CAND1: variants seen among roughly 807,000 people sequenced by gnomAD.
CAND1 encodes cullin associated and neddylation dissociated 1.
CAND1 carries 7 observed loss-of-function variants against 108.5 expected under a neutral mutation model. The ratio of observed to expected loss-of-function variants is 0.06; its 90% CI spans 0.04 to 0.12. The LOEUF (loss-of-function observed/expected upper bound fraction) is 0.12, where lower values mean the gene tolerates loss of function less well. Ranked by LOEUF, CAND1 falls within the 10% of genes least tolerant of loss-of-function variation. The probability of loss-of-function intolerance (pLI) is 1.00; values close to 1 mark genes in which losing one functional copy is unlikely to be tolerated. For missense variants in CAND1, 941 were observed against 1,448.7 expected (o/e 0.65, Z 5.69); for synonymous variants, 534 against 512.0 (o/e 1.04, Z -0.58).
chr12:67,299,197 A>G, intron 7 of CAND1, 102 bp downstream of exon 7: 1 of 1,146,456 alleles, frequency 8.7e-7, no homozygotes, highest in Non-Finnish European at 1.2e-6. Flanking sequence ...TTTAGTTATA[A>G]TAGTGAAAAG....
chr12:67,278,380 C>A (rs1201406060), intron 1 of CAND1, among the ~76,000 whole-genome samples: 1 of 152,120 alleles, frequency 6.6e-6, no homozygotes, highest in Non-Finnish European at 1.5e-5. Context: ...TGGTTTGGAA[C>A]TCCTGACCTC....
chr12:67,304,473 T>C (rs1488460294), intron 8 of CAND1, 132 bp from the exon 9 acceptor site: 2 of 853,500 alleles, frequency 2.3e-6, no homozygotes, highest in East Asian at 2.5e-5. Context: ...GCAATAGCAA[T>C]AGATAGCTGA....
At chr12:67,276,653 G>A (rs1440383438) in intron 1 of CAND1, among the ~76,000 whole-genome samples, 1 of 152,182 alleles carries the variant, frequency 6.6e-6, no homozygotes, top group Non-Finnish European at 1.5e-5. Flanking sequence ...GGAATGTTTG[G>A]TATTTTGTAT....
At position 67,304,612 on chromosome 12, in the gene CAND1, A is replaced by T. The variant is rs751246576; in HGVS notation, c.1301A>T (p.Asn434Ile). 3 of 1,613,472 alleles carry T rather than the reference A, an allele frequency of 1.9e-6. No homozygotes were observed. The highest frequency in any genetic ancestry group is 2.5e-6 in the Non-Finnish European group (3 of 1,179,818). The change falls in exon 9 of 15, where the codon AAC (asparagine) becomes ATC (isoleucine). Residue 434 changes from asparagine (N) to isoleucine (I), a missense_variant. This residue lies in a region of CAND1 where 697 missense variants were observed against 942.0 expected (regional missense o/e 0.74). Transcript: ENST00000545606. ...ACTATATGATAATTGCAGGTTCCCA[A>T]CATTGTTAAAGCTCTTCACAAACAG... is the stretch of plus-strand genomic sequence containing the variant. ...PLTMLQSQVP[N>I]IVKALHKQMK...
intron 2 of CAND1, 90 bp from the exon 3 acceptor site, chr12:67,292,532 T>C: frequency 2.4e-6 from 2 of 843,874 alleles, no homozygotes; most frequent in Non-Finnish European, 3.6e-6. Flanking sequence ...TTGAAAGTTC[T>C]AGGCGGAAAG....
chr12:67,294,981 G>C (rs956687507), intron 3 of CAND1, 52 bp from the exon 4 acceptor site: 1 of 1,579,036 alleles, frequency 6.3e-7, no homozygotes, highest in African/African-American at 1.4e-5. Context: ...GAATATAAGA[G>C]GGAATTCAAC....
At chr12:67,302,765 G>T in intron 8 of CAND1, 150 bp downstream of exon 8, 1 of 629,852 alleles carries the variant, frequency 1.6e-6, no homozygotes, top group Non-Finnish European at 2.7e-6. Flanking sequence ...TTCATATTAT[G>T]TTAGTTGTAA....
chr12:67,300,500 ATC>A, intron 7 of CAND1, among the ~76,000 whole-genome samples: 1 of 151,952 alleles, frequency 6.6e-6, no homozygotes, highest in Non-Finnish European at 1.5e-5. Context: ...AGCCTTTTCC[ATC>A]TCAGAATGGT....
In CAND1 at chr12:67,307,385, A is replaced by G. The variant is rs2044898669; in HGVS notation, c.2930-12A>G. The G allele has an allele frequency of 1.9e-6, 3 of 1,602,418 alleles. No individual in the cohort carries two copies. Among genetic ancestry groups the G allele is most frequent in the African/African-American group, 2.7e-5 (2 of 74,714 alleles). On this transcript the variant is annotated splice_polypyrimidine_tract_variant and intron_variant, in intron 10 of 14. Transcript: ENST00000545606. Reference sequence around the variant, plus strand: ...CTACATACCAATAGACTTGCAATTTATTTTTAACTAGGCTCATCATATGCC... The same window carrying G: ...CTACATACCAATAGACTTGCAATTTGTTTTTAACTAGGCTCATCATATGCC...
At chr12:67,275,454 G>A (rs1371177220) in intron 1 of CAND1, among the ~76,000 whole-genome samples, 1 of 151,982 alleles carries the variant, frequency 6.6e-6, no homozygotes, top group African/African-American at 2.4e-5. Flanking sequence ...TTGAACCTGC[G>A]AGGCAGAGGT....
In CAND1 at chr12:67,309,902, T is replaced by G; in HGVS notation, c.3027T>G (p.Gly1009=). Residue 1009 remains glycine (G), a splice_region_variant and synonymous_variant, in exon 12 of 15, where the codon GGT becomes GGG. Transcript: ENST00000545606. ...GTTGCTTTTCTTGTAATATTTCAGG[T>G]GATTTCCTAAAAACTTTGGAAGACC... ...PIDPLLKNCI[G]DFLKTLEDPD... is the part of the protein sequence containing the mutation. 1.3e-6 allele frequency: 2 copies of G among 1,596,308 alleles called. No homozygotes were observed. The highest frequency in any genetic ancestry group is 1.7e-6 in the Non-Finnish European group (2 of 1,171,892).
intron 1 of CAND1, among the ~76,000 whole-genome samples, chr12:67,276,098 C>T (rs2044566674): frequency 6.6e-6 from 1 of 152,152 alleles, no homozygotes; most frequent in Non-Finnish European, 1.5e-5. Context: ...TGTCTCAGGC[C>T]TCTTCCTAAC....
At chr12:67,309,426 A>G (rs994165611) in intron 11 of CAND1, among the ~76,000 whole-genome samples, 23 of 151,976 alleles carry the variant, frequency 1.5e-4, no homozygotes, top group African/African-American at 4.8e-4. Context: ...TCATTTGATT[A>G]ATTGTATATC....
chr12:67,294,645 A>G (rs546106238), intron 3 of CAND1, among the ~76,000 whole-genome samples: 2 of 152,296 alleles, frequency 1.3e-5, no homozygotes, highest in East Asian at 3.9e-4. Flanking sequence ...AATATCTACT[A>G]TTATCCAGTA....
chr12:67,282,792 G>C (rs2044632158), intron 2 of CAND1, among the ~76,000 whole-genome samples: 2 of 152,142 alleles, frequency 1.3e-5, no homozygotes, highest in Admixed American at 6.5e-5. Context: ...ATCATCAGTT[G>C]ATACAATATA....
intron 2 of CAND1, among the ~76,000 whole-genome samples, chr12:67,283,607 A>G (rs1053040018): frequency 6.6e-6 from 1 of 151,554 alleles, no homozygotes; most frequent in Non-Finnish European, 1.5e-5. Flanking sequence ...AAGGTGTTAT[A>G]GAATGATACA....
At position 67,303,495 on chromosome 12, in the gene CAND1, C is replaced by T. The variant is rs148118052; in HGVS notation, c.1293+880C>T. The stretch of plus-strand genomic sequence containing the variant: ...GTGAGTATATAGAAGTCAGGTATTG[C>T]TCAGTAGAGTTGCCAGGAATTCTGA... On this transcript the variant is annotated intron_variant, in intron 8 of 14. Transcript: ENST00000545606. Among the ~76,000 whole-genome samples, 570 of 152,282 alleles carry T rather than the reference C, an allele frequency of 3.7e-3. 3 individuals are homozygous for T. Among genetic ancestry groups the T allele is most frequent in the African/African-American group, 0.013 (540 of 41,572 alleles).
In CAND1 at chr12:67,269,653, G is replaced by GGCGGCGGCA. The variant is rs1422178670; in HGVS notation, c.-59_-51dup. ...GAGGAGGAGCTCCAGTGGCGGCGGC[G>GGCGGCGGCA]GCGGCGGCAGCGGCAGCGGGCAGCA... On this transcript the variant is annotated 5_prime_UTR_variant, in exon 1 of 15. Coordinates refer to ENST00000545606, the MANE Select transcript of CAND1 (RefSeq NM_018448.5). The GGCGGCGGCA allele has an allele frequency of 1.2e-5, 17 of 1,432,238 alleles. No individual in the cohort carries two copies. The highest frequency in any genetic ancestry group is 1.5e-5 in the Non-Finnish European group (16 of 1,035,448). The allele number at this position is 1,432,238 out of a possible 1,614,324, so 88.7% of individuals were successfully genotyped here.
Position 67,314,788 on chromosome 12 carries a change from G to GT in CAND1, c.*1960dup, listed in dbSNP as rs2044991788. On this transcript the variant is annotated 3_prime_UTR_variant, in exon 15 of 15. Transcript: ENST00000545606. ...CTTAAGCCAATTCATTTTTCTAACA[G>GT]TTGAAATTCTTTTAGTACTAAAGAA... 1 of 152,182 alleles carries GT rather than the reference G, an allele frequency of 6.6e-6. No homozygotes were observed. The highest frequency in any genetic ancestry group is 2.4e-5 in the African/African-American group (1 of 41,448). The allele number at this position is 152,182 out of a possible 1,614,324, so 9.4% of individuals were successfully genotyped here. A position where few individuals can be genotyped will look rare whatever the true frequency, so the allele number is the denominator to read the frequency against.
Sources: gnomAD v4.1 joint callset for allele counts (sites outside exome capture counted in the v4.1 genomes callset) on GRCh38, gnomAD v4.1.1 for gene constraint, gnomAD v4.1.1 regional missense constraint, MANE v1.5 for transcripts, NCBI Gene and HGNC (gene_info 2026-07-23, HGNC 2026-07-21) for gene names.